The following EFCAB13 variants were observed in gnomAD, a reference collection of about 807,000 sequenced individuals.
EFCAB13 encodes EF-hand calcium-binding domain-containing protein 13.
Under a neutral mutation model 110.2 loss-of-function variants are expected in EFCAB13, and 91 were observed. The observed-to-expected ratio is 0.83, with a 90% confidence interval of 0.70 to 0.98. The LOEUF is 0.98. EFCAB13 is among the 50% of genes least tolerant of loss of function. The pLI, the probability that EFCAB13 is intolerant of heterozygous loss-of-function variation, is 0.00. For synonymous variants in EFCAB13, 323 were observed against 369.9 expected (o/e 0.87, Z 1.45); for missense variants, 968 against 1,119.4 (o/e 0.86, Z 1.93).
chr17:47,340,585 A>G (rs1054423404), intron 5 of EFCAB13, among the ~76,000 whole-genome samples: 2 of 151,780 alleles, frequency 1.3e-5, no homozygotes, highest in African/African-American at 2.4e-5. Context: ...GCAGTCTCTC[A>G]TGATTTTTTA....
intron 23 of EFCAB13, among the ~76,000 whole-genome samples, chr17:47,420,122 A>AT (rs894680322): frequency 6.6e-6 from 1 of 152,050 alleles, no homozygotes; most frequent in Non-Finnish European, 1.5e-5. Context: ...TGGTTTTCGT[A>AT]TTTTTTTGGT....
intron 24 of EFCAB13, chr17:47,430,314 C>A (rs1316673190): frequency 1.4e-5 from 9 of 622,104 alleles, no homozygotes; most frequent in African/African-American, 2.0e-5. Context: ...ATGATGATAT[C>A]CAGGGATACC....
chr17:47,326,023 C>G (rs1370499503), intron 2 of EFCAB13, among the ~76,000 whole-genome samples: 5 of 147,304 alleles, frequency 3.4e-5, no homozygotes, highest in Admixed American at 2.0e-4. Context: ...CTAGTGCACA[C>G]TAAGCATGCA....
chr17:47,437,904 T>C (rs532047632), intron 24 of EFCAB13, among the ~76,000 whole-genome samples: 4 of 152,208 alleles, frequency 2.6e-5, no homozygotes, highest in Non-Finnish European at 5.9e-5. Context: ...AAAAATGTTC[T>C]GTTTTGATGT....
chr17:47,390,311 C>G (rs1359226595), intron 14 of EFCAB13, among the ~76,000 whole-genome samples: 3 of 147,594 alleles, frequency 2.0e-5, no homozygotes, highest in African/African-American at 7.4e-5. Context: ...CATACACAAC[C>G]TCTGTTTTTT....
At chr17:47,371,005 G>T (rs1216931474) in intron 11 of EFCAB13, among the ~76,000 whole-genome samples, 1 of 149,204 alleles carries the variant, frequency 6.7e-6, no homozygotes, top group Non-Finnish European at 1.5e-5. Context: ...CTCCCAGAGT[G>T]CTGAGATTAC....
At chr17:47,363,763 C>T (rs1339924154) in intron 10 of EFCAB13, among the ~76,000 whole-genome samples, 2 of 152,070 alleles carry the variant, frequency 1.3e-5, no homozygotes, top group African/African-American at 4.8e-5. Flanking sequence ...GAGTGGGCTT[C>T]CACTAGTTTT....
At chr17:47,388,698 A>C (rs2065689758) in intron 14 of EFCAB13, among the ~76,000 whole-genome samples, 2 of 152,184 alleles carry the variant, frequency 1.3e-5, no homozygotes, top group Non-Finnish European at 2.9e-5. Context: ...GGCTGTTATG[A>C]ATAATACTGA....
chr17:47,341,238 G>A (rs1174557541), intron 5 of EFCAB13, among the ~76,000 whole-genome samples: 1 of 152,160 alleles, frequency 6.6e-6, no homozygotes, highest in East Asian at 1.9e-4. Context: ...ATGATGCTGG[G>A]ATTTTATTGA....
chr17:47,349,764 T>C (rs1204646468), intron 9 of EFCAB13, among the ~76,000 whole-genome samples: 177 of 111,816 alleles, frequency 1.6e-3, no homozygotes, highest in South Asian at 4.0e-3. Context: ...TGTTTCTTTT[T>C]TTTTTTTTTT....
chr17:47,402,020 G>C (rs2065781583), intron 17 of EFCAB13, 112 bp from the exon 18 acceptor site: 2 of 781,050 alleles, frequency 2.6e-6, no homozygotes, highest in Middle Eastern at 2.4e-4. Flanking sequence ...AATATGAAAA[G>C]GAAATATGAT....
chr17:47,395,860 G>T lies in EFCAB13; in HGVS notation c.1828G>T (p.Asp610Tyr). The T allele has an allele frequency of 2.5e-6, 4 of 1,607,870 alleles. No individual in the cohort carries two copies. The highest frequency in any genetic ancestry group is 3.4e-6 in the Non-Finnish European group (4 of 1,176,160). The change falls in exon 17 of 25, where the codon GAC (aspartate) becomes TAC (tyrosine). Residue 610 changes from aspartate to tyrosine, a missense_variant. Transcript: ENST00000331493. ...LVLPDAIETLDDLRKETMSVS... is the reference protein window; with the variant it reads ...LVLPDAIETLYDLRKETMSVS... ...ATTGCCTGATGCTATTGAAACCCTC[G>T]ACGATCTCAGAAAGGAGACGATGAG...
rs919156508 is a variant in EFCAB13, at chr17:47,362,613, G to A, written c.805+1092G>A. 5.3e-5 allele frequency among the ~76,000 whole-genome samples: 8 copies of A among 152,200 alleles called. No individual in the cohort carries two copies. In the South Asian group the frequency reaches 6.2e-4, roughly 12 times the overall value. ...CCCGCAGTTATCCGGAGGCCTAACC[G>A]TCTCCCTGTGGTGTTGTGCTTCAGT... On this transcript the variant is annotated intron_variant, in intron 10 of 24. Transcript: ENST00000331493.
intron 14 of EFCAB13, among the ~76,000 whole-genome samples, chr17:47,380,608 G>T (rs867707780): frequency 3.7e-4 from 57 of 152,194 alleles, no homozygotes; most frequent in African/African-American, 1.2e-3. Context: ...TAATGGGATT[G>T]TTGGGTCAAA....
intron 9 of EFCAB13, among the ~76,000 whole-genome samples, chr17:47,350,847 G>A (rs189402577): frequency 6.0e-4 from 92 of 152,156 alleles, no homozygotes; most frequent in Admixed American, 5.2e-3. Context: ...CCTGATGTTA[G>A]CAATTCTTCT....
At chr17:47,337,766 A>G (rs968096316) in intron 5 of EFCAB13, among the ~76,000 whole-genome samples, 2 of 152,220 alleles carry the variant, frequency 1.3e-5, no homozygotes, top group African/African-American at 4.8e-5. Flanking sequence ...TGGGTTGATT[A>G]CAAAAGTTGT....
intron 9 of EFCAB13, among the ~76,000 whole-genome samples, chr17:47,351,317 G>GCGCA (rs1555578792): frequency 1.9e-4 from 22 of 113,912 alleles, no homozygotes; most frequent in Non-Finnish European, 2.5e-4. Flanking sequence ...GCGCGCGCGC[G>GCGCA]CGCGCGCGCG....
At chr17:47,415,238 G>T (rs953109090) in intron 23 of EFCAB13, among the ~76,000 whole-genome samples, 2 of 152,140 alleles carry the variant, frequency 1.3e-5, no homozygotes, top group African/African-American at 4.8e-5. Flanking sequence ...GGACTGTTAT[G>T]GGGTGGGGGG....
intron 7 of EFCAB13, 105 bp from the exon 8 acceptor site, chr17:47,344,911 G>T: frequency 1.2e-6 from 1 of 832,496 alleles, no homozygotes. Context: ...AGTTCTTCAA[G>T]AAAGGTTCTT....
Sources: gnomAD v4.1 joint callset for allele counts (sites outside exome capture counted in the v4.1 genomes callset) on GRCh38, gnomAD v4.1.1 for gene constraint, MANE v1.5 for transcripts, NCBI Gene and HGNC (gene_info 2026-07-23, HGNC 2026-07-21) for gene names.